Variants in MYBPC2 observed in about 807,000 individuals in gnomAD.
MYBPC2 encodes the protein myosin binding protein C2.
In MYBPC2, 122 loss-of-function variants were observed where a neutral mutation model predicts 137.0. The ratio of observed to expected loss-of-function variants is 0.89; its 90% CI spans 0.77 to 1.03. MYBPC2 has a LOEUF of 1.03. Among genes scored for constraint, MYBPC2 ranks in the 50% least tolerant of loss-of-function variants. The pLI is 0.00. For missense variants in MYBPC2, 1,500 were observed against 1,534.4 expected (o/e 0.98, Z 0.37); for synonymous variants, 626 against 612.3 (o/e 1.02, Z -0.33).
chr19:50,435,433 C>T lies in MYBPC2; in HGVS notation c.109+183C>T, dbSNP rs920203509. Among the ~76,000 whole-genome samples the T allele has an allele frequency of 2.0e-5, 3 of 152,240 alleles. No homozygotes were observed. Among genetic ancestry groups the T allele is most frequent in the Non-Finnish European group, 4.4e-5 (3 of 68,026 alleles). On this transcript the variant is annotated intron_variant, in intron 2 of 27. Transcript: ENST00000357701. This position sits in a 1 kb window ranked among gnomAD's most constrained non-coding sequence, Gnocchi z 4.8. ...CTCCCTGGCACCCGCAGGCAGAGCC[C>T]AGCCCCTCGGCTGGCATCGGCTCCG...
At chr19:50,460,881 G>A (rs1465655140) in intron 24 of MYBPC2, among the ~76,000 whole-genome samples, 1 of 152,054 alleles carries the variant, frequency 6.6e-6, no homozygotes, top group African/African-American at 2.4e-5. Flanking sequence ...TGTAGAGACA[G>A]GGTCTCAGTA....
intron 7 of MYBPC2, among the ~76,000 whole-genome samples, chr19:50,437,930 C>T (rs1207395377): frequency 2.0e-5 from 3 of 152,094 alleles, no homozygotes; most frequent in Non-Finnish European, 4.4e-5. Context: ...AGACCCCTAC[C>T]CACAACCCCA....
At chr19:50,458,418 G>C (rs2039933542) in intron 20 of MYBPC2, among the ~76,000 whole-genome samples, 169 bp from the exon 21 acceptor site, 1 of 150,720 alleles carries the variant, frequency 6.6e-6, no homozygotes, top group Non-Finnish European at 1.5e-5. Flanking sequence ...GCCACCCTTA[G>C]AACCTGGCCA....
At position 50,442,227 on chromosome 19, in the gene MYBPC2, C is replaced by T. The variant is rs1343387069; in HGVS notation, c.816C>T (p.Asn272=). The change falls in exon 9 of 28, where the codon AAC becomes AAT. Residue 272 remains asparagine, a synonymous_variant. Coordinates refer to ENST00000357701, the MANE Select transcript of MYBPC2 (RefSeq NM_004533.4). ...LDPAYQVDRG[N]KIKLMVEISD... ...CAGCCTACCAAGTGGACAGAGGCAA[C>T]AAGATCAAGTTGATGGTAGAGATCA... 2 of 1,603,216 alleles carry T rather than the reference C, an allele frequency of 1.2e-6. No homozygotes were observed. The highest frequency in any genetic ancestry group is 1.7e-6 in the Non-Finnish European group (2 of 1,175,002).
rs530066330 is a variant in MYBPC2, at chr19:50,441,148, G to C, written c.769+72G>C. 6 of 1,413,264 alleles carry C rather than the reference G, an allele frequency of 4.2e-6. No homozygotes were observed. The African/African-American group carries it at 5.8e-5, about 14-fold the overall frequency. 87.5% of individuals were successfully genotyped at this position (1,413,264 alleles called of 1,614,324 possible). On this transcript the variant is annotated intron_variant, in intron 8 of 27. Coordinates refer to ENST00000357701, the MANE Select transcript of MYBPC2 (RefSeq NM_004533.4). ...CTAGCCTTGTGGGTGTCTAATGATT[G>C]GACCCTGGACCTATCTTTTCGAGGT...
chr19:50,447,140 A>G (rs1023609122), intron 12 of MYBPC2, among the ~76,000 whole-genome samples: 1 of 151,798 alleles, frequency 6.6e-6, no homozygotes, highest in Non-Finnish European at 1.5e-5. Flanking sequence ...TCCACCCCCC[A>G]GTACCCGCCA....
intron 26 of MYBPC2, 198 bp from the exon 27 acceptor site, chr19:50,464,148 C>G (rs531739207): frequency 1.9e-6 from 1 of 528,696 alleles, no homozygotes; most frequent in African/African-American, 1.9e-5. Context: ...AAGACCCCAC[C>G]GTTACCCTGT....
chr19:50,454,413 G>T, intron 18 of MYBPC2, 44 bp downstream of exon 18: 1 of 1,214,818 alleles, frequency 8.2e-7, no homozygotes, highest in Non-Finnish European at 1.1e-6. Context: ...CCCTCTTTCT[G>T]CCTTCTGTTT....
chr19:50,449,403 C>T (rs1875455242), intron 13 of MYBPC2, among the ~76,000 whole-genome samples: 2 of 152,176 alleles, frequency 1.3e-5, no homozygotes, highest in African/African-American at 4.8e-5. Flanking sequence ...CTCAGCCTAG[C>T]ACACTCACGT....
At chr19:50,440,051 T>C (rs1290606907) in intron 7 of MYBPC2, among the ~76,000 whole-genome samples, 2 of 151,846 alleles carry the variant, frequency 1.3e-5, no homozygotes, top group East Asian at 3.9e-4. Flanking sequence ...TCAGGTGACT[T>C]TGGGGGGAGT....
intron 12 of MYBPC2, among the ~76,000 whole-genome samples, chr19:50,447,857 C>G (rs577095641): frequency 6.7e-6 from 1 of 149,272 alleles, no homozygotes; most frequent in Admixed American, 6.7e-5. Flanking sequence ...AACTCCATCT[C>G]AAAAAAAAAT....
chr19:50,456,974 G>A (rs1012985471), intron 20 of MYBPC2, among the ~76,000 whole-genome samples: 20 of 152,176 alleles, frequency 1.3e-4, no homozygotes, highest in Non-Finnish European at 1.6e-4. Flanking sequence ...CTCAGACGCA[G>A]CCATCTCTCT....
chr19:50,464,271 T>C, intron 26 of MYBPC2, 75 bp from the exon 27 acceptor site: 2 of 1,396,102 alleles, frequency 1.4e-6, no homozygotes, highest in Non-Finnish European at 1.9e-6. Context: ...CCAGATCGGC[T>C]TCCTGAGCCC....
Position 50,451,298 on chromosome 19 carries a change from T to A in MYBPC2, c.1598T>A (p.Val533Asp), listed in dbSNP as rs769352237. 4 of 1,613,338 alleles carry A rather than the reference T, an allele frequency of 2.5e-6. No homozygotes were observed. The highest frequency in any genetic ancestry group is 3.4e-6 in the Non-Finnish European group (4 of 1,179,782). Reference sequence around the variant, plus strand: ...CTTGCAGAAATCAAGGTGGAGTACGTTCCCAAGCAAGGTGAGCACCACGGG... The same window carrying A: ...CTTGCAGAAATCAAGGTGGAGTACGATCCCAAGCAAGGTGAGCACCACGGG... ...LNFLEIKVEY[V>D]PKQEPPKIHL... Residue 533 changes from valine (V) to aspartate (D), a missense_variant, in exon 15 of 28, where the codon GTT (valine) becomes GAT (aspartate). Physicochemically the swap from Val to Asp is radical, Grantham distance 152. Transcript: ENST00000357701.
chr19:50,455,272 A>C lies in MYBPC2; in HGVS notation c.2179A>C (p.Asn727His). ...TATAGGGGTCTCCCAGCCCAGCATG[A>C]ACACCAAGCCTTTTATGCCTATTGG... The part of the protein sequence containing the change: ...NAIGVSQPSM[N>H]TKPFMPIAPT... Residue 727 changes from asparagine to histidine, a missense_variant, in exon 19 of 28, where the codon AAC becomes CAC. Physicochemically the swap from Asn to His is moderately conservative, Grantham distance 68. Coordinates refer to ENST00000357701, the MANE Select transcript of MYBPC2 (RefSeq NM_004533.4). 1.2e-6 allele frequency: 2 copies of C among 1,613,792 alleles called. No homozygotes were observed. Among genetic ancestry groups the C allele is most frequent in the Non-Finnish European group, 1.7e-6 (2 of 1,179,794 alleles).
Position 50,443,833 on chromosome 19 carries a change from C to A in MYBPC2, c.1133+17C>A. On this transcript the variant is annotated intron_variant, in intron 11 of 27. Coordinates refer to ENST00000357701, the MANE Select transcript of MYBPC2 (RefSeq NM_004533.4). ...GGTGATGTGGTAAGTGACCCTTGAT[C>A]CCTGATCTCCATACAGGTGCACATA... 6.2e-7 allele frequency: 1 copy of A among 1,602,962 alleles called. No homozygotes were observed. Among genetic ancestry groups the A allele is most frequent in the South Asian group, 1.1e-5 (1 of 90,446 alleles).
chr19:50,459,175 A>G lies in MYBPC2; in HGVS notation c.2660A>G (p.His887Arg). Residue 887 changes from histidine (H) to arginine (R), a missense_variant, in exon 23 of 28, where the codon CAC (histidine) becomes CGC (arginine). His to Arg is a conservative substitution (Grantham distance 29, BLOSUM62 0). Transcript: ENST00000357701. Reference sequence around the variant, plus strand: ...GCCCCGCTGGACACCTCCCGCGTGCACGTGCGGACCAGCGACTTCGACACC... The same window carrying G: ...GCCCCGCTGGACACCTCCCGCGTGCGCGTGCGGACCAGCGACTTCGACACC... ...GGAPLDTSRVHVRTSDFDTVF... is the reference protein window; with the variant it reads ...GGAPLDTSRVRVRTSDFDTVF... 6.2e-7 allele frequency: 1 copy of G among 1,606,012 alleles called. No individual in the cohort carries two copies. Among genetic ancestry groups the G allele is most frequent in the Non-Finnish European group, 8.5e-7 (1 of 1,177,910 alleles).
At chr19:50,455,413 G>A (rs111595441) in intron 19 of MYBPC2, 97 bp from the exon 20 acceptor site, 16 of 1,561,268 alleles carry the variant, frequency 1.0e-5, no homozygotes, top group Middle Eastern at 3.4e-4. Flanking sequence ...CTACCCCCTG[G>A]CCTTCTGACC....
At chr19:50,437,583 G>A (rs2039715505) in intron 6 of MYBPC2, 62 bp downstream of exon 6, 9 of 1,593,492 alleles carry the variant, frequency 5.6e-6, no homozygotes, top group Non-Finnish European at 7.7e-6. Context: ...CCTTGGAAGG[G>A]GAAAAAGGGA....
Sources: gnomAD v4.1 joint callset for allele counts (sites outside exome capture counted in the v4.1 genomes callset) on GRCh38, gnomAD v4.1.1 for gene constraint, Gnocchi (gnomAD v3.1) non-coding constraint, MANE v1.5 for transcripts, NCBI Gene and HGNC (gene_info 2026-07-23, HGNC 2026-07-21) for gene names.